PKHD1L1: variants seen among roughly 807,000 people sequenced by gnomAD.
PKHD1L1 encodes fibrocystin-L.
Under a neutral mutation model 462.9 loss-of-function variants are expected in PKHD1L1, and 434 were observed. The observed-to-expected ratio is 0.94, with a 90% CI of 0.87 to 1.02. The LOEUF is 1.02. Among genes scored for constraint, PKHD1L1 ranks in the 50% least tolerant of loss-of-function variants. The probability of loss-of-function intolerance (pLI) is 0.00; values close to 1 mark genes in which losing one functional copy is unlikely to be tolerated. For missense variants in PKHD1L1, 5,202 were observed against 5,096.1 expected, an observed-to-expected ratio of 1.02 and a Z score of -0.63; for synonymous variants, 1,781 against 1,750.0, an observed-to-expected ratio of 1.02 and a Z score of -0.44.
Position 109,536,113 on chromosome 8 carries a change from C to G in PKHD1L1, c.*6023C>G, listed in dbSNP as rs867325871. Among the ~76,000 whole-genome samples, 4 of 152,180 alleles carry G rather than the reference C, an allele frequency of 2.6e-5. No individual in the cohort carries two copies. Among genetic ancestry groups the G allele is most frequent in the African/African-American group, 7.2e-5 (3 of 41,450 alleles). On this transcript the variant is annotated 3_prime_UTR_variant, in exon 78 of 78. Transcript: ENST00000378402. The stretch of plus-strand genomic sequence containing the variant: ...GTTGCTGATGACATAAAATTCACCT[C>G]TATTTCTTGGAAGCACTATTCCATG...
chr8:109,414,459 G>A (rs1814024928), intron 21 of PKHD1L1, among the ~76,000 whole-genome samples: 2 of 151,706 alleles, frequency 1.3e-5, no homozygotes, highest in Admixed American at 6.6e-5. Context: ...AATAACCATG[G>A]TGGGATCTCC....
At chr8:109,411,748 G>A (rs9297426) in intron 19 of PKHD1L1, among the ~76,000 whole-genome samples, 144,123 of 152,250 alleles carry the variant, frequency 0.95, 68,223 homozygotes, top group East Asian at 1. Context: ...CATTCCAACA[G>A]CTGCTATTTA....
rs2130892485 is a variant in PKHD1L1 at position 109,483,047 on chromosome 8, C to G, written c.9518C>G (p.Ser3173Ter). 1 of 1,601,478 alleles carries G rather than the reference C, an allele frequency of 6.2e-7. No individual in the cohort carries two copies. Among genetic ancestry groups the G allele is most frequent in the African/African-American group, 1.3e-5 (1 of 74,146 alleles). The change falls in exon 57 of 78, where the codon TCA becomes TGA. Residue 3173 changes from serine to a stop codon, truncating the protein, a stop_gained. Coordinates refer to ENST00000378402, the MANE Select transcript of PKHD1L1 (RefSeq NM_177531.6). LOFTEE classifies it high-confidence loss of function. Reference protein sequence around the residue: ...IPHSIYKTKLSETAFAGSKVL... With the variant: ...IPHSIYKTKL ...CATTCAATATATAAAACTAAGCTCT[C>G]AGAAACTGCATTTGCAGGTTCCAAA... is the stretch of plus-strand genomic sequence containing the variant.
chr8:109,410,087 AGTC>A, intron 19 of PKHD1L1, 109 bp downstream of exon 19: 2 of 609,632 alleles, frequency 3.3e-6, no homozygotes, highest in African/African-American at 1.9e-5. Flanking sequence ...TGTTATTCAC[AGTC>A]AAATTGCAAA....
intron 13 of PKHD1L1, 81 bp downstream of exon 13, chr8:109,400,425 G>T (rs980810911): frequency 2.8e-6 from 4 of 1,421,144 alleles, no homozygotes; most frequent in African/African-American, 1.4e-5. Flanking sequence ...AAATCAAAAC[G>T]AATGAACATT....
intron 33 of PKHD1L1, 150 bp downstream of exon 33, chr8:109,441,002 AAG>A (rs1340880078): frequency 1.0e-6 from 1 of 962,730 alleles, no homozygotes; most frequent in African/African-American, 1.6e-5. Context: ...TAAAGTGATA[AAG>A]AGAAACTGAA....
At chr8:109,442,453 A>G (rs16879567) in intron 35 of PKHD1L1, among the ~76,000 whole-genome samples, 2,078 of 152,306 alleles carry the variant, frequency 0.014, 55 homozygotes, top group African/African-American at 0.047. Context: ...AAACATATTG[A>G]AAAAGCAAAA....
intron 63 of PKHD1L1, 94 bp from the exon 64 acceptor site, chr8:109,496,825 A>G: frequency 7.4e-7 from 1 of 1,343,836 alleles, no homozygotes; most frequent in East Asian, 2.3e-5. Flanking sequence ...TGTAATTTTG[A>G]AAAGAATTTT....
In PKHD1L1 at chr8:109,481,534, A is replaced by G; in HGVS notation, c.9429A>G (p.Glu3143=). ...CTACACAAGACTGGGCTCTTCCAGA[A>G]GGACCAAATCAAGGGGCAAAGGTCT... The part of the protein sequence containing the change: ...NHTTQDWALP[E]GPNQGAKVLG... Residue 3143 remains glutamate, a synonymous_variant, in exon 56 of 78, where the codon GAA becomes GAG. Transcript: ENST00000378402. 6.3e-7 allele frequency: 1 copy of G among 1,596,358 alleles called. No individual in the cohort carries two copies. Among genetic ancestry groups the G allele is most frequent in the Non-Finnish European group, 8.5e-7 (1 of 1,170,776 alleles).
rs532877209 is a variant in PKHD1L1, at chr8:109,454,051, A to T, written c.6665-116A>T. Reference sequence around the variant, plus strand: ...AACAGCAGAACATGAATGAGGAATTAAATTTTAATTTAATGTATAATTTAA... The same window carrying T: ...AACAGCAGAACATGAATGAGGAATTTAATTTTAATTTAATGTATAATTTAA... On this transcript the variant is annotated intron_variant, in intron 43 of 77. Coordinates refer to ENST00000378402, the MANE Select transcript of PKHD1L1 (RefSeq NM_177531.6). 2.6e-5 allele frequency: 15 copies of T among 584,098 alleles called. No individual in the cohort carries two copies. In the East Asian group the frequency reaches 4.0e-4, roughly 16 times the overall value. 36.2% of individuals were successfully genotyped at this position (584,098 alleles called of 1,614,324 possible).
intron 4 of PKHD1L1, among the ~76,000 whole-genome samples, chr8:109,383,252 AATAG>A (rs1382837887): frequency 2.9e-5 from 3 of 102,280 alleles, no homozygotes; most frequent in Non-Finnish European, 5.5e-5. Flanking sequence ...TAACATATAT[AATAG>A]ATAATTATAT....
At chr8:109,485,208 A>G (rs372039090) in intron 58 of PKHD1L1, 35 bp downstream of exon 58, 32 of 1,456,740 alleles carry the variant, frequency 2.2e-5, no homozygotes, top group African/African-American at 5.8e-5. Flanking sequence ...TAGATATATA[A>G]TTGTGTTGAA....
chr8:109,410,591 C>T (rs894856412), intron 19 of PKHD1L1, among the ~76,000 whole-genome samples: 2 of 152,016 alleles, frequency 1.3e-5, no homozygotes, highest in Non-Finnish European at 2.9e-5. Context: ...AAATCCACCC[C>T]CGTGATCAAA....
chr8:109,475,133 C>T lies in PKHD1L1; in HGVS notation c.8621C>T (p.Pro2874Leu), dbSNP rs1817910260. Residue 2874 changes from proline to leucine, a missense_variant, in exon 51 of 78, where the codon CCA (proline) becomes CTA (leucine). Coordinates refer to ENST00000378402, the MANE Select transcript of PKHD1L1 (RefSeq NM_177531.6). ...TCTCCTATAGGCACAAGCATTATTC[C>T]ATTTCAGAAGAAACGACTGACTCAT... Reference protein sequence around the residue: ...LSDSFGTSIIPFQKKRLTHMS... With the variant: ...LSDSFGTSIILFQKKRLTHMS... 6.2e-7 allele frequency: 1 copy of T among 1,607,960 alleles called. No homozygotes were observed. The highest frequency in any genetic ancestry group is 1.7e-4 in the Middle Eastern group (1 of 6,040).
Position 109,459,783 on chromosome 8 carries a change from A to T in PKHD1L1, c.7193A>T (p.Asp2398Val). Residue 2398 changes from aspartate (D) to valine (V), a missense_variant, in exon 47 of 78, where the codon GAT becomes GTT. Asp to Val is a radical substitution (Grantham distance 152). This residue lies in a region of PKHD1L1 where 4,497 missense variants were observed against 4,336.8 expected (regional missense o/e 1.04). Coordinates refer to ENST00000378402, the MANE Select transcript of PKHD1L1 (RefSeq NM_177531.6). ...LTRNILIRGSDNVEWNNKIPA... is the reference protein window; with the variant it reads ...LTRNILIRGSVNVEWNNKIPA... ...AGAAATATTTTAATAAGAGGATCTG[A>T]TAATGTTGAGTGGAATAACAAAATT... 1 of 1,611,620 alleles carries T rather than the reference A, an allele frequency of 6.2e-7. No homozygotes were observed. Among genetic ancestry groups the T allele is most frequent in the Non-Finnish European group, 8.5e-7 (1 of 1,178,610 alleles).
intron 40 of PKHD1L1, among the ~76,000 whole-genome samples, chr8:109,450,117 G>A (rs1470536806): frequency 6.6e-6 from 1 of 152,280 alleles, no homozygotes; most frequent in Admixed American, 6.5e-5. Context: ...TACTTACTGT[G>A]TAACCCTAGC....
chr8:109,469,276 T>C (rs969763431), intron 50 of PKHD1L1, among the ~76,000 whole-genome samples: 2 of 152,090 alleles, frequency 1.3e-5, no homozygotes, highest in African/African-American at 4.8e-5. Context: ...GAAAATGCTA[T>C]TACCATTACT....
intron 50 of PKHD1L1, chr8:109,470,157 A>G: frequency 1.5e-6 from 1 of 656,286 alleles, no homozygotes; most frequent in East Asian, 2.6e-5. Flanking sequence ...ATCCCCAAAA[A>G]TATTTGGATG....
In PKHD1L1 at chr8:109,405,132, T is replaced by C. The variant is rs769595487; in HGVS notation, c.1669+2T>C. On this transcript the variant is annotated splice_donor_variant, in intron 16 of 77. Transcript: ENST00000378402. LOFTEE classifies it high-confidence loss of function. The stretch of plus-strand genomic sequence containing the variant: ...TAATCTATAATATGGAAAAAACTGG[T>C]AAGTTATAAATAATAAGGGAGATAC... The C allele has an allele frequency of 2.1e-6, 3 of 1,435,466 alleles. No individual in the cohort carries two copies. The highest frequency in any genetic ancestry group is 2.9e-6 in the Non-Finnish European group (3 of 1,047,410). The allele number at this position is 1,435,466 out of a possible 1,614,324, so 88.9% of individuals were successfully genotyped here.
Sources: allele counts gnomAD v4.1 joint callset (sites outside exome capture counted in the v4.1 genomes callset), GRCh38; gene constraint gnomAD v4.1.1; regional missense constraint gnomAD v4.1.1; transcripts MANE v1.5; gene names NCBI Gene and HGNC (gene_info 2026-07-23, HGNC 2026-07-21).